DPYD: variants seen among roughly 807,000 people sequenced by gnomAD.
The protein encoded by DPYD is dihydropyrimidine dehydrogenase, also known as dihydropyrimidine dehydrogenase [NADP(+)].
Under a neutral mutation model 116.2 loss-of-function variants are expected in DPYD, and 109 were observed. The observed-to-expected ratio is 0.94, with a 90% CI of 0.80 to 1.10. The LOEUF is 1.10. Among genes scored for constraint, DPYD ranks in the 50% least tolerant of loss-of-function variants. The probability of loss-of-function intolerance (pLI) is 0.00; values close to 1 mark genes in which losing one functional copy is unlikely to be tolerated. For missense variants in DPYD, 1,302 were observed against 1,254.5 expected, an observed-to-expected ratio of 1.04 and a Z score of -0.57; for synonymous variants, 440 against 432.0, an observed-to-expected ratio of 1.02 and a Z score of -0.23.
intron 8 of DPYD, among the ~76,000 whole-genome samples, chr1:97,665,123 A>G (rs1659486704): frequency 6.6e-6 from 1 of 152,124 alleles, no homozygotes; most frequent in South Asian, 2.1e-4. Context: ...CCACATTAGA[A>G]TGGGAAAAAA....
chr1:97,484,302 TCAAAAA>T (rs765836822), intron 13 of DPYD, among the ~76,000 whole-genome samples: 1 of 152,162 alleles, frequency 6.6e-6, no homozygotes, highest in Non-Finnish European at 1.5e-5. Flanking sequence ...AGACTCCATC[TCAAAAA>T]CAAAAACAAA....
At chr1:97,748,003 C>T (rs1204894460) in intron 3 of DPYD, among the ~76,000 whole-genome samples, 2 of 152,050 alleles carry the variant, frequency 1.3e-5, no homozygotes, top group Non-Finnish European at 2.9e-5. Context: ...TATTCTGAAA[C>T]TTATATATTG....
intron 3 of DPYD, among the ~76,000 whole-genome samples, chr1:97,760,616 T>C (rs1045859378): frequency 3.9e-5 from 6 of 152,128 alleles, no homozygotes; most frequent in Admixed American, 2.6e-4. Flanking sequence ...GAACATCAGC[T>C]GATTTCAGTA....
intron 20 of DPYD, among the ~76,000 whole-genome samples, chr1:97,151,326 A>G (rs1017816192): frequency 2.0e-5 from 3 of 152,192 alleles, no homozygotes; most frequent in African/African-American, 7.2e-5. Context: ...GGAAGACTGA[A>G]TTATCTCCAG....
intron 14 of DPYD, among the ~76,000 whole-genome samples, chr1:97,411,787 C>T (rs1191205556): frequency 6.6e-6 from 1 of 152,124 alleles, no homozygotes; most frequent in African/African-American, 2.4e-5. Context: ...AGTGAAAGGA[C>T]CTTTTTCAAA....
At chr1:97,796,731 A>T (rs1402210900) in intron 3 of DPYD, among the ~76,000 whole-genome samples, 1 of 151,266 alleles carries the variant, frequency 6.6e-6, no homozygotes, top group Non-Finnish European at 1.5e-5. Context: ...CTTAGTTACC[A>T]CAAAAGTAAT....
At chr1:97,430,473 A>C (rs1171280343) in intron 14 of DPYD, among the ~76,000 whole-genome samples, 2 of 152,118 alleles carry the variant, frequency 1.3e-5, no homozygotes, top group Non-Finnish European at 2.9e-5. Flanking sequence ...TCCTTTATTT[A>C]TAAGACTGAT....
At chr1:97,320,459 G>A (rs201601765) in intron 16 of DPYD, among the ~76,000 whole-genome samples, 5 of 53,898 alleles carry the variant, frequency 9.3e-5, no homozygotes, top group Admixed American at 1.9e-4. Context: ...AGAGAGCCAA[G>A]TCATGAGTGA....
At chr1:97,910,086 C>A (rs532598679) in intron 1 of DPYD, among the ~76,000 whole-genome samples, 2 of 152,036 alleles carry the variant, frequency 1.3e-5, no homozygotes, top group Admixed American at 6.6e-5. Context: ...TCTCTGACTA[C>A]CATGTGAAAA....
chr1:97,502,095 A>G, intron 13 of DPYD, among the ~76,000 whole-genome samples: 1 of 152,062 alleles, frequency 6.6e-6, no homozygotes. Context: ...TTTCAGAAAT[A>G]TTACAGAAGA....
chr1:97,268,008 T>C (rs1405258307), intron 18 of DPYD, among the ~76,000 whole-genome samples: 5 of 151,880 alleles, frequency 3.3e-5, no homozygotes, highest in Non-Finnish European at 7.4e-5. Context: ...AAAAACACAA[T>C]GGTGAGACAA....
chr1:97,084,396 C>T (rs1649364102), intron 21 of DPYD, among the ~76,000 whole-genome samples: 2 of 151,804 alleles, frequency 1.3e-5, no homozygotes, highest in Admixed American at 1.3e-4. Flanking sequence ...CTTCCTTCTT[C>T]TTTCCTAACC....
Position 97,355,786 on chromosome 1 carries a change from C to T in DPYD, c.2058+17775G>A, listed in dbSNP as rs547887911. On this transcript the variant is annotated intron_variant, in intron 16 of 22. Coordinates refer to ENST00000370192, the MANE Select transcript of DPYD (RefSeq NM_000110.4). ...TCTTTTTTAAGGCTGAATAGTAGTCCATTGTGTATATATACCATATTTTCT... is the reference window on the plus strand; with the variant it reads ...TCTTTTTTAAGGCTGAATAGTAGTCTATTGTGTATATATACCATATTTTCT... 3.9e-5 allele frequency among the ~76,000 whole-genome samples: 6 copies of T among 152,214 alleles called. No homozygotes were observed. The East Asian group carries it at 9.7e-4, about 25-fold the overall frequency.
At chr1:97,386,350 A>G (rs1672348321) in intron 14 of DPYD, among the ~76,000 whole-genome samples, 1 of 151,454 alleles carries the variant, frequency 6.6e-6, no homozygotes, top group Non-Finnish European at 1.5e-5. Flanking sequence ...TTGATCACTG[A>G]TTCCTCATTT....
intron 13 of DPYD, among the ~76,000 whole-genome samples, chr1:97,502,435 T>C (rs959623658): frequency 2.0e-5 from 3 of 151,980 alleles, no homozygotes; most frequent in African/African-American, 4.8e-5. Flanking sequence ...CCAGGTAAAG[T>C]AGAATGAGAT....
intron 1 of DPYD, among the ~76,000 whole-genome samples, chr1:97,886,235 C>A: frequency 6.6e-6 from 1 of 152,100 alleles, no homozygotes. Flanking sequence ...AGAGCTCGCT[C>A]TACCCCAGCC....
At chr1:97,450,413 T>A (rs1156999950) in intron 13 of DPYD, among the ~76,000 whole-genome samples, 190 bp from the exon 14 acceptor site, 31 of 152,164 alleles carry the variant, frequency 2.0e-4, no homozygotes, top group Admixed American at 2.0e-3. Context: ...ATAAAGTATT[T>A]GTTAGCTTTA....
intron 18 of DPYD, among the ~76,000 whole-genome samples, chr1:97,279,493 ATTTG>A (rs111937508): frequency 0.051 from 7,738 of 151,006 alleles, 431 homozygotes; most frequent in East Asian, 0.15. Context: ...GGAGACAGAG[ATTTG>A]TTTGTTTGTT....
chr1:97,469,401 A>AAAAAAAAAAAAAAAAAAAAAAAAAAAT, intron 13 of DPYD, among the ~76,000 whole-genome samples: 2 of 6,530 alleles, frequency 3.1e-4, no homozygotes, highest in Non-Finnish European at 1.7e-3. Context: ...AAATTGCAAA[A>AAAAAAAAAAAAAAAAAAAAAAAAAAAT]AAAAAAAAAA....
Sources: allele counts gnomAD v4.1 joint callset (sites outside exome capture counted in the v4.1 genomes callset), GRCh38; gene constraint gnomAD v4.1.1; transcripts MANE v1.5; gene names NCBI Gene and HGNC (gene_info 2026-07-23, HGNC 2026-07-21).